The following BICD1 variants were observed in gnomAD, a reference collection of about 807,000 sequenced individuals.
BICD1 encodes protein bicaudal D homolog 1.
In BICD1, 35 loss-of-function variants were observed where a neutral mutation model predicts 92.5. The observed-to-expected ratio is 0.38, with a 90% CI of 0.29 to 0.50. The LOEUF is 0.50. Ranked by LOEUF, BICD1 falls within the 20% of genes least tolerant of loss-of-function variation. The probability of loss-of-function intolerance (pLI) is 0.93; values close to 1 mark genes in which losing one functional copy is unlikely to be tolerated. For synonymous variants in BICD1, 429 were observed against 465.1 expected, an observed-to-expected ratio of 0.92 and a Z score of 1.00; for missense variants, 950 against 1,189.8, an observed-to-expected ratio of 0.80 and a Z score of 2.97.
chr12:32,216,536 A>T lies in BICD1; in HGVS notation c.426+77A>T, dbSNP rs955487395. On this transcript the variant is annotated intron_variant, in intron 2 of 9. Transcript: ENST00000652176. The stretch of plus-strand genomic sequence containing the variant: ...GTTCTCTCCATAGCAGAGAGGAATA[A>T]CACTTTTGTTTTAATCAGAGGAGCT... 16 of 1,473,190 alleles carry T rather than the reference A, an allele frequency of 1.1e-5. No individual in the cohort carries two copies. The African/African-American group carries it at 2.2e-4, about 21-fold the overall frequency. The allele number at this position is 1,473,190 out of a possible 1,614,324, so 91.3% of individuals were successfully genotyped here.
intron 8 of BICD1, chr12:32,340,168 C>G (rs1485926918): frequency 4.3e-5 from 42 of 985,094 alleles, no homozygotes; most frequent in Non-Finnish European, 4.9e-5. Flanking sequence ...TTATCTGATT[C>G]ATGAAGTCAG....
At chr12:32,350,836 A>G (rs1370536432) in intron 8 of BICD1, among the ~76,000 whole-genome samples, 3 of 152,306 alleles carry the variant, frequency 2.0e-5, no homozygotes, top group African/African-American at 4.8e-5. Context: ...GTAAAGTCAT[A>G]AAGATGCCAT....
At chr12:32,208,686 T>C (rs888175742) in intron 1 of BICD1, among the ~76,000 whole-genome samples, 4 of 152,198 alleles carry the variant, frequency 2.6e-5, no homozygotes, top group African/African-American at 7.2e-5. Flanking sequence ...TTGAATCTAC[T>C]CTCTAAGACT....
intron 8 of BICD1, among the ~76,000 whole-genome samples, chr12:32,354,468 A>AT (rs34637046): frequency 1.3e-5 from 2 of 152,186 alleles, no homozygotes; most frequent in Non-Finnish European, 2.9e-5. Context: ...TTCTCTGGAA[A>AT]TTTTTAACGA....
intron 8 of BICD1, among the ~76,000 whole-genome samples, chr12:32,355,781 C>G (rs1039039901): frequency 1.7e-4 from 26 of 151,568 alleles, no homozygotes; most frequent in East Asian, 1.9e-4. Flanking sequence ...GCACTCCAGC[C>G]TGGGTGACGG....
intron 2 of BICD1, among the ~76,000 whole-genome samples, chr12:32,281,735 A>G (rs930760818): frequency 2.0e-5 from 3 of 152,104 alleles, no homozygotes; most frequent in African/African-American, 7.2e-5. Flanking sequence ...AATATATGAA[A>G]TATGTCTGTA....
chr12:32,367,585 C>T, intron 8 of BICD1, 85 bp from the exon 9 acceptor site: 2 of 1,276,954 alleles, frequency 1.6e-6, no homozygotes, highest in South Asian at 2.4e-5. Context: ...CACTAAATCT[C>T]TCAGGCAGCT....
At chr12:32,158,436 C>T (rs927839636) in intron 1 of BICD1, among the ~76,000 whole-genome samples, 25 of 151,270 alleles carry the variant, frequency 1.7e-4, no homozygotes, top group South Asian at 1.5e-3. Flanking sequence ...TCAGCCTGGG[C>T]GACACGGTGA....
chr12:32,375,690 T>C (rs929893658), intron 9 of BICD1, among the ~76,000 whole-genome samples: 5 of 152,196 alleles, frequency 3.3e-5, no homozygotes, highest in Admixed American at 1.3e-4. Context: ...TTTTAAACTA[T>C]ATTTACAGCA....
At chr12:32,234,223 C>T (rs7962447) in intron 2 of BICD1, among the ~76,000 whole-genome samples, 10,311 of 152,252 alleles carry the variant, frequency 0.068, 1,188 homozygotes, top group African/African-American at 0.24. Context: ...TCCATATCAC[C>T]ACTTGTTCAG....
At chr12:32,186,524 A>G (rs1312434345) in intron 1 of BICD1, among the ~76,000 whole-genome samples, 1 of 152,196 alleles carries the variant, frequency 6.6e-6, no homozygotes, top group Non-Finnish European at 1.5e-5. Context: ...CACTTTCTAG[A>G]TGATGAAGAG....
chr12:32,262,788 A>T (rs1460900623), intron 2 of BICD1, among the ~76,000 whole-genome samples: 1 of 152,232 alleles, frequency 6.6e-6, no homozygotes, highest in African/African-American at 2.4e-5. Context: ...GGCCCCTGCC[A>T]GCACCTTAAT....
chr12:32,302,908 C>T (rs1473876203), intron 3 of BICD1, among the ~76,000 whole-genome samples: 1 of 98,578 alleles, frequency 1.0e-5, no homozygotes, highest in African/African-American at 3.5e-5. Context: ...GCCTTAGAGG[C>T]ATCTTTTGTA....
Position 32,294,098 on chromosome 12 carries a change from A to T in BICD1, c.531A>T (p.Glu177Asp). ...TTCAGGACTATACTGAATTGGAAGA[A>T]GAAAATATCACATTGCAGAAACTAG... The part of the protein sequence containing the change: ...RLLQDYTELE[E>D]ENITLQKLVS... The change falls in exon 3 of 10, where the codon GAA becomes GAT. Residue 177 changes from glutamate (E) to aspartate (D), a missense_variant. Glu to Asp is a conservative substitution (Grantham distance 45). Transcript: ENST00000652176. 6.2e-7 allele frequency: 1 copy of T among 1,609,400 alleles called. No homozygotes were observed. The highest frequency in any genetic ancestry group is 1.3e-5 in the African/African-American group (1 of 74,814).
chr12:32,217,958 C>T (rs1360679203), intron 2 of BICD1, among the ~76,000 whole-genome samples: 1 of 152,186 alleles, frequency 6.6e-6, no homozygotes, highest in Non-Finnish European at 1.5e-5. Flanking sequence ...CGTGTGCACA[C>T]GCATGCAGGT....
intron 2 of BICD1, among the ~76,000 whole-genome samples, chr12:32,288,479 G>A (rs1947639928): frequency 6.6e-6 from 1 of 151,786 alleles, no homozygotes; most frequent in Non-Finnish European, 1.5e-5. Context: ...CAAACTCCTG[G>A]ACTCAAGTGA....
At chr12:32,320,144 G>A (rs1439533566) in intron 4 of BICD1, among the ~76,000 whole-genome samples, 2 of 152,074 alleles carry the variant, frequency 1.3e-5, no homozygotes, top group Non-Finnish European at 2.9e-5. Context: ...TAGGAGTTCC[G>A]TTTGTGCATA....
rs1246685523 is a variant in BICD1 at position 32,328,587 on chromosome 12, G to A, written c.2100+32G>A. The A allele has an allele frequency of 6.3e-7, 1 of 1,576,392 alleles. No individual in the cohort carries two copies. The highest frequency in any genetic ancestry group is 8.6e-7 in the Non-Finnish European group (1 of 1,160,460). On this transcript the variant is annotated intron_variant, in intron 5 of 9. Transcript: ENST00000652176. The surrounding 1 kb of genome is among the most constrained non-coding windows in gnomAD (Gnocchi z 4.4). ...TCATTCTACTGGTGAAAGCATGCCA[G>A]TCAAAGCTTTCTTAACTAATTTATT...
chr12:32,290,445 G>T (rs1193335112), intron 2 of BICD1, among the ~76,000 whole-genome samples: 1 of 152,142 alleles, frequency 6.6e-6, no homozygotes, highest in African/African-American at 2.4e-5. Flanking sequence ...AACTTTCTTA[G>T]CTTTCATTCC....
Sources: gnomAD v4.1 joint callset for allele counts (sites outside exome capture counted in the v4.1 genomes callset) on GRCh38, gnomAD v4.1.1 for gene constraint, Gnocchi (gnomAD v3.1) non-coding constraint, MANE v1.5 for transcripts, NCBI Gene and HGNC (gene_info 2026-07-23, HGNC 2026-07-21) for gene names.